Variants in SPATA6 observed in about 807,000 individuals in gnomAD.
SPATA6 encodes the protein spermatogenesis-associated protein 6.
A neutral mutation model predicts 65.3 loss-of-function variants in SPATA6; 56 were observed. The ratio of observed to expected loss-of-function variants is 0.86; its 90% CI spans 0.69 to 1.07. The LOEUF is 1.07. Among genes scored for constraint, SPATA6 ranks in the 50% least tolerant of loss-of-function variants. SPATA6 has a pLI of 0.00. For missense variants in SPATA6, 590 were observed against 594.8 expected (o/e 0.99, Z 0.08); for synonymous variants, 199 against 213.2 (o/e 0.93, Z 0.58).
At chr1:48,464,958 TA>T (rs1657708990) in intron 1 of SPATA6, among the ~76,000 whole-genome samples, 1 of 152,144 alleles carries the variant, frequency 6.6e-6, no homozygotes, top group Admixed American at 6.6e-5. Context: ...ATAATCATTT[TA>T]AAAATCAATA....
chr1:48,263,300 A>G, the SPATA6 span: 5 of 146,818 alleles, frequency 3.4e-5, no homozygotes, highest in African/African-American at 1.2e-4. Flanking sequence ...ATTGCAAAAT[A>G]TTTATTTTTA....
chr1:48,329,704 A>G (rs1310871426), intron 11 of SPATA6, among the ~76,000 whole-genome samples: 4 of 152,212 alleles, frequency 2.6e-5, no homozygotes, highest in Admixed American at 2.0e-4. Context: ...ACCACGTTGG[A>G]ATCCATCAGG....
chr1:48,386,523 T>C (rs556667794), intron 8 of SPATA6, among the ~76,000 whole-genome samples: 28 of 152,156 alleles, frequency 1.8e-4, no homozygotes, highest in South Asian at 8.3e-4. Flanking sequence ...TAGAGAATAC[T>C]GGAATTCAAA....
At chr1:48,437,406 G>C (rs1284369458) in intron 3 of SPATA6, among the ~76,000 whole-genome samples, 6 of 152,218 alleles carry the variant, frequency 3.9e-5, no homozygotes, top group Non-Finnish European at 7.3e-5. Flanking sequence ...GTTTTGCACA[G>C]AGTACTATGA....
At chr1:48,428,841 GTA>G (rs766215917) in intron 3 of SPATA6, among the ~76,000 whole-genome samples, 7 of 138,848 alleles carry the variant, frequency 5.0e-5, no homozygotes, top group African/African-American at 1.8e-4. Context: ...ATATATATGT[GTA>G]TATATATGTG....
At chr1:48,469,169 T>C (rs1658028686) in intron 1 of SPATA6, among the ~76,000 whole-genome samples, 1 of 152,116 alleles carries the variant, frequency 6.6e-6, no homozygotes, top group South Asian at 2.1e-4. Flanking sequence ...GCTGAAGTAC[T>C]TACAGGTGGA....
chr1:48,438,678 G>A (rs1486493984), intron 3 of SPATA6, among the ~76,000 whole-genome samples: 1 of 152,062 alleles, frequency 6.6e-6, no homozygotes, highest in African/African-American at 2.4e-5. Context: ...TTGCCTCCTG[G>A]GTTCTAACGC....
At chr1:48,411,695 G>A (rs867499265) in intron 4 of SPATA6, 107 bp from the exon 5 acceptor site, 2 of 949,106 alleles carry the variant, frequency 2.1e-6, no homozygotes, top group African/African-American at 1.7e-5. Flanking sequence ...TGAAATACCT[G>A]TTTTGGGTCA....
chr1:48,310,481 T>C (rs145215544), intron 11 of SPATA6, among the ~76,000 whole-genome samples: 18 of 152,324 alleles, frequency 1.2e-4, no homozygotes, highest in African/African-American at 3.8e-4. Context: ...TTTAGCTGTT[T>C]TTCATGTTGA....
intron 10 of SPATA6, among the ~76,000 whole-genome samples, chr1:48,358,484 A>T (rs932087): frequency 0.098 from 14,913 of 152,100 alleles, 877 homozygotes; most frequent in South Asian, 0.17. Context: ...TACAGAGATG[A>T]CAAAGGACCT....
chr1:48,308,325 G>A (rs1456512334), intron 11 of SPATA6, among the ~76,000 whole-genome samples: 1 of 151,790 alleles, frequency 6.6e-6, no homozygotes, highest in Non-Finnish European at 1.5e-5. Flanking sequence ...TAATTTCAAC[G>A]GGATATGGAA....
intron 1 of SPATA6, among the ~76,000 whole-genome samples, chr1:48,456,778 G>C (rs1657038513): frequency 1.3e-5 from 2 of 152,052 alleles, no homozygotes. Context: ...GATATGAGCT[G>C]TCGGAAAAAG....
chr1:48,298,998 C>G (rs912536332), intron 12 of SPATA6, 105 bp from the exon 13 acceptor site: 2 of 1,099,828 alleles, frequency 1.8e-6, no homozygotes, highest in African/African-American at 3.2e-5. Context: ...ATTTAATTCT[C>G]TGCTGGGGCT....
At chr1:48,289,898 G>A in the SPATA6 span, among the ~76,000 whole-genome samples, 1 of 152,230 alleles carries the variant, frequency 6.6e-6, no homozygotes, top group Non-Finnish European at 1.5e-5. Flanking sequence ...AAGTGACAGG[G>A]AGAATGGAAC....
chr1:48,345,956 A>T (rs191313515), intron 11 of SPATA6, among the ~76,000 whole-genome samples: 1 of 152,168 alleles, frequency 6.6e-6, no homozygotes, highest in East Asian at 1.9e-4. Flanking sequence ...CTATTCCACA[A>T]ATTTGAGGAT....
At chr1:48,373,104 T>C (rs1424449689) in intron 9 of SPATA6, among the ~76,000 whole-genome samples, 2 of 152,146 alleles carry the variant, frequency 1.3e-5, no homozygotes, top group African/African-American at 2.4e-5. Flanking sequence ...GGCTTGAATT[T>C]CTCCCCAAAA....
chr1:48,314,833 A>G (rs929199926), intron 11 of SPATA6, among the ~76,000 whole-genome samples: 2 of 151,942 alleles, frequency 1.3e-5, no homozygotes, highest in African/African-American at 4.8e-5. Context: ...GAATCAAATA[A>G]ACGCAATAAA....
chr1:48,339,315 A>G (rs987720573), intron 11 of SPATA6, among the ~76,000 whole-genome samples: 1 of 152,098 alleles, frequency 6.6e-6, no homozygotes, highest in African/African-American at 2.4e-5. Flanking sequence ...CAAGGTTATT[A>G]GCCTTTGACG....
At chr1:48,344,391 T>C (rs1646303802) in intron 11 of SPATA6, 1 of 151,954 alleles carries the variant, frequency 6.6e-6, no homozygotes, top group African/African-American at 2.4e-5. Flanking sequence ...GCCCTAAATA[T>C]GGAAAGGAAA....
Sources: gnomAD v4.1 joint callset for allele counts (sites outside exome capture counted in the v4.1 genomes callset) on GRCh38, gnomAD v4.1.1 for gene constraint, MANE v1.5 for transcripts, NCBI Gene and HGNC (gene_info 2026-07-23, HGNC 2026-07-21) for gene names.